The following IGSF11 variants were observed in gnomAD, a reference collection of about 807,000 sequenced individuals.
The protein encoded by IGSF11 is CXADR like 1.
IGSF11 carries 22 observed loss-of-function variants against 41.0 expected under a neutral mutation model. The observed-to-expected ratio is 0.54, with a 90% CI of 0.38 to 0.77. IGSF11 has a LOEUF of 0.77. Among genes scored for constraint, IGSF11 ranks in the 30% least tolerant of loss-of-function variants. The pLI, the probability that IGSF11 is intolerant of heterozygous loss-of-function variation, is 0.00. For synonymous variants in IGSF11, 219 were observed against 201.3 expected (o/e 1.09, Z -0.74); for missense variants, 444 against 530.8 (o/e 0.84, Z 1.61).
intron 4 of IGSF11, among the ~76,000 whole-genome samples, chr3:118,919,268 T>G (rs201761896): frequency 1.4e-5 from 2 of 140,116 alleles, no homozygotes; most frequent in Non-Finnish European, 3.0e-5. Context: ...TGGGATCTAA[T>G]TAAACTAAAG....
intron 1 of IGSF11, among the ~76,000 whole-genome samples, chr3:119,135,731 A>G (rs1235952587): frequency 7.2e-5 from 11 of 152,364 alleles, no homozygotes; most frequent in Non-Finnish European, 1.0e-4. Flanking sequence ...CCAAAGGATT[A>G]TAAATCATGC....
intron 1 of IGSF11, among the ~76,000 whole-genome samples, chr3:119,080,737 C>T (rs2076573094): frequency 6.6e-6 from 1 of 152,096 alleles, no homozygotes. Flanking sequence ...AAAGAAAGAA[C>T]CAAAGAGCAC....
Position 118,901,176 on chromosome 3 carries a change from T to C in IGSF11, c.*1344A>G, listed in dbSNP as rs539896900. On this transcript the variant is annotated 3_prime_UTR_variant, in exon 7 of 7. Transcript: ENST00000393775. ...GGCAAGACAGTCACTAATGCAAGTA[T>C]GGCCAGATCTACATAGCACAAAATA... is the stretch of plus-strand genomic sequence containing the variant. 2 of 152,300 alleles carry C rather than the reference T, an allele frequency of 1.3e-5. No individual in the cohort carries two copies. The highest frequency in any genetic ancestry group is 1.3e-4 in the Admixed American group (2 of 15,276). The allele number at this position is 152,300 out of a possible 1,614,324, so 9.4% of individuals were successfully genotyped here.
intron 1 of IGSF11, among the ~76,000 whole-genome samples, chr3:118,939,883 G>A (rs777140457): frequency 9.2e-5 from 14 of 152,020 alleles, no homozygotes; most frequent in Non-Finnish European, 5.9e-5. Flanking sequence ...AATAAAGACA[G>A]AAAAACAACA....
chr3:119,035,157 GT>G (rs1940831303), upstream of IGSF11, among the ~76,000 whole-genome samples: 1 of 152,212 alleles, frequency 6.6e-6, no homozygotes, highest in African/African-American at 2.4e-5. Context: ...CCGCAAACAG[GT>G]GGTGTCGGCC....
chr3:119,087,223 T>A (rs565497379), intron 1 of IGSF11, among the ~76,000 whole-genome samples: 53 of 152,318 alleles, frequency 3.5e-4, no homozygotes, highest in Non-Finnish European at 4.4e-4. Flanking sequence ...GCAATCCCAC[T>A]AGTAGGTATC....
intron 4 of IGSF11, among the ~76,000 whole-genome samples, chr3:118,913,767 T>C (rs557264408): frequency 6.6e-6 from 1 of 152,280 alleles, no homozygotes; most frequent in South Asian, 2.1e-4. Context: ...AACCGTAATG[T>C]ATACGTAAAC....
At chr3:119,111,201 C>T (rs563746367) in intron 1 of IGSF11, among the ~76,000 whole-genome samples, 11 of 152,280 alleles carry the variant, frequency 7.2e-5, no homozygotes, top group African/African-American at 2.4e-4. Flanking sequence ...AACTTGGTTC[C>T]ATTCTCCCCA....
At chr3:118,923,469 TTAGC>T (rs1942017109) in intron 4 of IGSF11, among the ~76,000 whole-genome samples, 2 of 152,316 alleles carry the variant, frequency 1.3e-5, no homozygotes, top group South Asian at 4.1e-4. Flanking sequence ...TCTAATAGTA[TTAGC>T]TAATCTATAG....
chr3:118,979,450 T>C lies in IGSF11; in HGVS notation c.53-49175A>G, dbSNP rs534293602. On this transcript the variant is annotated intron_variant, in intron 1 of 6. Coordinates refer to ENST00000393775, the MANE Select transcript of IGSF11 (RefSeq NM_001015887.3). The stretch of plus-strand genomic sequence containing the variant: ...ATGTAAAAACAATATACCTCGTTAA[T>C]ACATGGTGCTGGAAAACTAGATAAT... Among the ~76,000 whole-genome samples, 4 of 152,308 alleles carry C rather than the reference T, an allele frequency of 2.6e-5. No homozygotes were observed. In the South Asian group the frequency reaches 6.2e-4, roughly 24 times the overall value.
upstream of IGSF11, among the ~76,000 whole-genome samples, chr3:119,036,342 G>C (rs942173979): frequency 3.9e-5 from 6 of 152,222 alleles, 1 homozygote; most frequent in South Asian, 2.1e-4. Flanking sequence ...TTAAACTCCA[G>C]GGTAAGGACT....
intron 1 of IGSF11, among the ~76,000 whole-genome samples, chr3:118,946,663 C>T (rs989869124): frequency 2.6e-5 from 4 of 152,174 alleles, no homozygotes; most frequent in Admixed American, 2.6e-4. Context: ...AGTCATTCTC[C>T]TGAGTTTAAA....
intron 1 of IGSF11, among the ~76,000 whole-genome samples, chr3:118,966,597 A>G (rs1283293628): frequency 1.3e-5 from 2 of 152,212 alleles, no homozygotes; most frequent in Admixed American, 1.3e-4. Context: ...TTTCACCTCC[A>G]TATTATGTAT....
chr3:119,046,535 G>A (rs1012150751), intron 1 of IGSF11, among the ~76,000 whole-genome samples: 4 of 151,784 alleles, frequency 2.6e-5, no homozygotes, highest in Admixed American at 2.0e-4. Flanking sequence ...ACCTGAAAGT[G>A]ATGGGGAGAA....
At chr3:118,905,907 C>T (rs145528961) in intron 4 of IGSF11, among the ~76,000 whole-genome samples, 189 bp from the exon 5 acceptor site, 1 of 152,100 alleles carries the variant, frequency 6.6e-6, no homozygotes, top group Non-Finnish European at 1.5e-5. Context: ...ACTTTAAAGA[C>T]CTGGAACTTT....
intron 1 of IGSF11, among the ~76,000 whole-genome samples, chr3:118,938,623 G>A (rs1413746227): frequency 6.6e-6 from 1 of 152,204 alleles, no homozygotes; most frequent in East Asian, 1.9e-4. Context: ...GGAGAAAGAA[G>A]CAATTCCTTG....
intron 1 of IGSF11, among the ~76,000 whole-genome samples, chr3:119,048,637 A>T (rs1941476041): frequency 6.6e-6 from 1 of 151,992 alleles, no homozygotes; most frequent in Admixed American, 6.6e-5. Context: ...ATACTCCCTA[A>T]CTCATTTTAT....
chr3:119,127,695 C>T (rs570299200), intron 1 of IGSF11, among the ~76,000 whole-genome samples: 3 of 152,326 alleles, frequency 2.0e-5, no homozygotes, highest in African/African-American at 7.2e-5. Context: ...ATCAGACTAA[C>T]AGCAGACCTC....
intron 1 of IGSF11, among the ~76,000 whole-genome samples, chr3:119,097,468 C>T (rs1175815269): frequency 6.7e-6 from 1 of 148,998 alleles, no homozygotes; most frequent in Non-Finnish European, 1.5e-5. Flanking sequence ...TTTCACTACT[C>T]CTCCAGGGAA....
Sources: gnomAD v4.1 joint callset for allele counts (sites outside exome capture counted in the v4.1 genomes callset) on GRCh38, gnomAD v4.1.1 for gene constraint, MANE v1.5 for transcripts, NCBI Gene and HGNC (gene_info 2026-07-23, HGNC 2026-07-21) for gene names.